The following ADAM10 variants were observed in gnomAD, a reference collection of about 807,000 sequenced individuals.
ADAM10 encodes ADAM metallopeptidase domain 10.
ADAM10 carries 17 observed loss-of-function variants against 90.1 expected under a neutral mutation model. The observed-to-expected ratio is 0.19, with a 90% CI of 0.13 to 0.28. The LOEUF is 0.28. Ranked by LOEUF, ADAM10 falls within the 10% of genes least tolerant of loss-of-function variation. The pLI is 1.00. For missense variants in ADAM10, 610 were observed against 914.3 expected (o/e 0.67, Z 4.29); for synonymous variants, 310 against 298.6 (o/e 1.04, Z -0.40).
intron 9 of ADAM10, among the ~76,000 whole-genome samples, chr15:58,631,884 T>C (rs1279359306): frequency 1.3e-5 from 2 of 152,198 alleles, no homozygotes; most frequent in Non-Finnish European, 2.9e-5. Flanking sequence ...TCCAAGAACA[T>C]TAATAATAAT....
At chr15:58,692,106 T>C (rs777817200) in intron 2 of ADAM10, 2 of 491,088 alleles carry the variant, frequency 4.1e-6, no homozygotes, top group Non-Finnish European at 8.2e-6. Flanking sequence ...TACTCTGGCA[T>C]CAAATCATCA....
intron 11 of ADAM10, among the ~76,000 whole-genome samples, chr15:58,616,159 A>G (rs1235533037): frequency 6.6e-6 from 1 of 152,232 alleles, no homozygotes; most frequent in Non-Finnish European, 1.5e-5. Flanking sequence ...CTAAAGAGAG[A>G]GATCAACTCC....
chr15:58,697,579 T>C (rs894126246), intron 2 of ADAM10, among the ~76,000 whole-genome samples: 2 of 152,166 alleles, frequency 1.3e-5, no homozygotes, highest in Non-Finnish European at 1.5e-5. Flanking sequence ...GCCTGGAGAC[T>C]GGCCTGCCCA....
rs1194308255 is a variant in ADAM10 at position 58,589,658 on chromosome 15, T to G, written c.*7889A>C. ...AGTAGCCACTGAGTGTAAATGATTC[T>G]CTCGAAAGTTTGGCTTAGATGAGGC... On this transcript the variant is annotated 3_prime_UTR_variant, in exon 16 of 16. Transcript: ENST00000260408. The G allele has an allele frequency of 2.0e-5, 3 of 152,236 alleles. No homozygotes were observed. The highest frequency in any genetic ancestry group is 7.2e-5 in the African/African-American group (3 of 41,448). The allele number at this position is 152,236 out of a possible 1,614,324, so 9.4% of individuals were successfully genotyped here. A position where few individuals can be genotyped will look rare whatever the true frequency, so the allele number is the denominator to read the frequency against.
At chr15:58,714,326 C>T (rs1245939898) in intron 2 of ADAM10, among the ~76,000 whole-genome samples, 1 of 150,698 alleles carries the variant, frequency 6.6e-6, no homozygotes, top group Non-Finnish European at 1.5e-5. Flanking sequence ...CACACACACA[C>T]AGAAGCTGTG....
At chr15:58,653,373 T>C (rs1896734801) in intron 5 of ADAM10, among the ~76,000 whole-genome samples, 1 of 152,172 alleles carries the variant, frequency 6.6e-6, no homozygotes, top group Non-Finnish European at 1.5e-5. Flanking sequence ...TTACTTTTAT[T>C]ATGTTGAGAT....
At chr15:58,609,359 C>T (rs1322055171) in intron 14 of ADAM10, 1 of 152,218 alleles carries the variant, frequency 6.6e-6, no homozygotes, top group East Asian at 1.9e-4. Flanking sequence ...ACCACATATC[C>T]TAATGTGTCC....
chr15:58,681,096 T>C (rs966059265), intron 3 of ADAM10, among the ~76,000 whole-genome samples: 1 of 152,182 alleles, frequency 6.6e-6, no homozygotes, highest in African/African-American at 2.4e-5. Flanking sequence ...CAGGTGTAAC[T>C]GCTACCATGC....
chr15:58,655,715 A>AT (rs1555414923), intron 5 of ADAM10, among the ~76,000 whole-genome samples: 4,944 of 65,116 alleles, frequency 0.076, 761 homozygotes, highest in African/African-American at 0.32. Flanking sequence ...TATATAGTAT[A>AT]TATATATATA....
intron 1 of ADAM10, among the ~76,000 whole-genome samples, chr15:58,738,537 T>C (rs1899504665): frequency 6.6e-6 from 1 of 152,210 alleles, no homozygotes; most frequent in Non-Finnish European, 1.5e-5. Context: ...AAGTTCAAGA[T>C]AGGAGGGAGT....
At chr15:58,617,282 T>C (rs1238604945) in intron 11 of ADAM10, among the ~76,000 whole-genome samples, 1 of 151,808 alleles carries the variant, frequency 6.6e-6, no homozygotes, top group Non-Finnish European at 1.5e-5. Context: ...CAAAGAATCA[T>C]TAGAAACCAT....
chr15:58,647,248 A>ATTTCTTTTTTTTTTTTTTTTTT lies in ADAM10; in HGVS notation c.586-1045_586-1044insAAAAAAAAAAAAAAAAAAGAAA, dbSNP rs1162350060. 3.5e-4 allele frequency among the ~76,000 whole-genome samples: 21 copies of ATTTCTTTTTTTTTTTTTTTTTT among 59,604 alleles called. 5 individuals carry two copies. The highest frequency in any genetic ancestry group is 1.3e-3 in the East Asian group (3 of 2,302). The allele number at this position is 59,604 out of a possible 152,430, so 39.1% of individuals were successfully genotyped here. On this transcript the variant is annotated intron_variant, in intron 5 of 15. Transcript: ENST00000260408. ...TGGCAGCAAAGAGTAGACACTAAGT[A>ATTTCTTTTTTTTTTTTTTTTTT]TTTTTTTTTTTTTTTTTTTTTTTTT...
At chr15:58,739,010 C>A (rs1899517546) in intron 1 of ADAM10, among the ~76,000 whole-genome samples, 1 of 152,100 alleles carries the variant, frequency 6.6e-6, no homozygotes, top group Admixed American at 6.6e-5. Flanking sequence ...CATTAACTCA[C>A]CCTTTTCCCA....
Position 58,719,418 on chromosome 15 carries a change from C to T in ADAM10, c.56-1691G>A, listed in dbSNP as rs966423846. ...AATTTAATCCTTATTTCTCCATCTT[C>T]AAGAGAAGAAAAAAAAAAGTGATTC... On this transcript the variant is annotated intron_variant, in intron 1 of 15. Transcript: ENST00000260408. Among the ~76,000 whole-genome samples, 13 of 151,540 alleles carry T rather than the reference C, an allele frequency of 8.6e-5. No individual in the cohort carries two copies. In the East Asian group the frequency reaches 2.5e-3, roughly 29 times the overall value.
chr15:58,633,448 T>C (rs1896156901), intron 8 of ADAM10, 89 bp from the exon 9 acceptor site: 2 of 1,155,702 alleles, frequency 1.7e-6, no homozygotes, highest in East Asian at 5.0e-5. Flanking sequence ...TGAAAACATT[T>C]TATATTTTAA....
chr15:58,639,047 CA>C (rs1201905878), intron 8 of ADAM10, among the ~76,000 whole-genome samples: 4 of 151,954 alleles, frequency 2.6e-5, no homozygotes, highest in Admixed American at 6.6e-5. Context: ...TCCTTAAGTA[CA>C]ATAGTCTGTA....
intron 8 of ADAM10, among the ~76,000 whole-genome samples, chr15:58,634,754 G>A (rs973368488): frequency 1.3e-5 from 2 of 152,070 alleles, no homozygotes; most frequent in South Asian, 2.1e-4. Flanking sequence ...ATGGATAAGC[G>A]TATTACGATA....
chr15:58,676,076 T>C (rs1165464149), intron 4 of ADAM10: 7 of 267,114 alleles, frequency 2.6e-5, no homozygotes, highest in Admixed American at 2.5e-4. Context: ...CACTGCTAAA[T>C]ATATTAAGGA....
chr15:58,653,489 C>T (rs1208201630), intron 5 of ADAM10, among the ~76,000 whole-genome samples: 1 of 152,112 alleles, frequency 6.6e-6, no homozygotes, highest in Non-Finnish European at 1.5e-5. Context: ...TAAGTTTTGT[C>T]CTTCATTCCA....
Sources: gnomAD v4.1 joint callset for allele counts (sites outside exome capture counted in the v4.1 genomes callset) on GRCh38, gnomAD v4.1.1 for gene constraint, MANE v1.5 for transcripts, NCBI Gene and HGNC (gene_info 2026-07-23, HGNC 2026-07-21) for gene names.